Variants in IL23R observed in about 807,000 individuals in gnomAD.
IL23R encodes interleukin 23 receptor, also known as interleukin-23 receptor.
Under a neutral mutation model 56.9 loss-of-function variants are expected in IL23R, and 34 were observed. The ratio of observed to expected loss-of-function variants is 0.60; its 90% CI spans 0.45 to 0.80. The LOEUF is 0.80. IL23R is among the 30% of genes least tolerant of loss of function. The probability of loss-of-function intolerance (pLI) is 0.00; values close to 1 mark genes in which losing one functional copy is unlikely to be tolerated. For synonymous variants in IL23R, 230 were observed against 249.2 expected, an observed-to-expected ratio of 0.92 and a Z score of 0.73; for missense variants, 635 against 730.0, an observed-to-expected ratio of 0.87 and a Z score of 1.50.
chr1:67,238,554 T>A (rs1341155100), intron 8 of IL23R, among the ~76,000 whole-genome samples: 1 of 152,132 alleles, frequency 6.6e-6, no homozygotes, highest in Non-Finnish European at 1.5e-5. Flanking sequence ...ATAAGTATTA[T>A]TATCTCTATT....
At chr1:67,145,907 G>T (rs1384923208) in intron 1 of IL23R, among the ~76,000 whole-genome samples, 1 of 152,172 alleles carries the variant, frequency 6.6e-6, no homozygotes, top group Non-Finnish European at 1.5e-5. Context: ...ATATTTTGTA[G>T]TTTCTAAGGT....
intron 3 of IL23R, among the ~76,000 whole-genome samples, chr1:67,179,690 A>T (rs1647063052): frequency 6.6e-6 from 1 of 152,002 alleles, no homozygotes; most frequent in African/African-American, 2.4e-5. Flanking sequence ...TTGCTTCTCC[A>T]GTTCTTTTAA....
At chr1:67,195,805 A>G (rs1421166663) in intron 4 of IL23R, among the ~76,000 whole-genome samples, 1 of 152,230 alleles carries the variant, frequency 6.6e-6, no homozygotes, top group East Asian at 1.9e-4. Context: ...TATAAATTAT[A>G]TAAAATATAG....
intron 10 of IL23R, 56 bp downstream of exon 10, chr1:67,255,983 C>G (rs1652925721): frequency 1.1e-6 from 1 of 924,310 alleles, no homozygotes; most frequent in African/African-American, 1.6e-5. Context: ...AGAGTGCAGT[C>G]TAATAATTAG....
At chr1:67,141,537 C>T (rs573178252) in intron 1 of IL23R, among the ~76,000 whole-genome samples, 1 of 152,174 alleles carries the variant, frequency 6.6e-6, no homozygotes, top group South Asian at 2.1e-4. Flanking sequence ...GTGGGAGGAT[C>T]ATTTGAGGCC....
chr1:67,241,528 G>A (rs78814665), intron 9 of IL23R, among the ~76,000 whole-genome samples: 6,944 of 152,188 alleles, frequency 0.046, 540 homozygotes, highest in African/African-American at 0.16. Flanking sequence ...TCTCACTTAG[G>A]TGACAGTGTG....
chr1:67,207,066 C>A lies in IL23R; in HGVS notation c.798+11C>A. On this transcript the variant is annotated intron_variant, in intron 6 of 10. Coordinates refer to ENST00000347310, the MANE Select transcript of IL23R (RefSeq NM_144701.3). ...AACCAAACTTGGAATGTAAGCTCAA[C>A]TTTCATTATGCTTTAGCATGTGAAT... The A allele has an allele frequency of 6.2e-7, 1 of 1,613,662 alleles. No individual in the cohort carries two copies. The highest frequency in any genetic ancestry group is 8.5e-7 in the Non-Finnish European group (1 of 1,179,666).
At chr1:67,180,379 T>C (rs1483927248) in intron 3 of IL23R, among the ~76,000 whole-genome samples, 1 of 152,140 alleles carries the variant, frequency 6.6e-6, no homozygotes, top group Non-Finnish European at 1.5e-5. Context: ...TGTAATGGCC[T>C]TTTTTGTCTC....
intron 3 of IL23R, among the ~76,000 whole-genome samples, chr1:67,177,316 G>T (rs1035179757): frequency 1.8e-4 from 27 of 152,278 alleles, no homozygotes; most frequent in African/African-American, 6.5e-4. Context: ...CATTCTACCT[G>T]GTGTGAGATG....
intron 1 of IL23R, among the ~76,000 whole-genome samples, chr1:67,156,350 C>T (rs758153969): frequency 1.3e-5 from 2 of 152,274 alleles, no homozygotes; most frequent in East Asian, 1.9e-4. Flanking sequence ...TGTCAGGATC[C>T]GCCACTCTCT....
At chr1:67,219,899 T>A (rs1007619087) in intron 7 of IL23R, among the ~76,000 whole-genome samples, 169 bp downstream of exon 7, 23 of 152,056 alleles carry the variant, frequency 1.5e-4, no homozygotes, top group Non-Finnish European at 8.8e-5. Flanking sequence ...GACCCTAGTC[T>A]GTACAGAAAA....
chr1:67,199,860 A>G (rs7556198), intron 4 of IL23R, among the ~76,000 whole-genome samples: 63,556 of 151,820 alleles, frequency 0.42, 13,641 homozygotes, highest in African/African-American at 0.49. Context: ...AAGGTTGCAT[A>G]TTTGAAAGCA....
intron 5 of IL23R, among the ~76,000 whole-genome samples, chr1:67,205,200 T>A (rs1648917248): frequency 1.3e-5 from 2 of 152,232 alleles, no homozygotes. Flanking sequence ...CTGCTACTTC[T>A]ACGCCAGGTG....
chr1:67,161,624 T>C (rs1211213882), upstream of IL23R, among the ~76,000 whole-genome samples: 1 of 150,784 alleles, frequency 6.6e-6, no homozygotes, highest in African/African-American at 2.4e-5. Context: ...TATATATATA[T>C]TTGTTTTTGT....
intron 4 of IL23R, among the ~76,000 whole-genome samples, chr1:67,186,377 C>A (rs1212576249): frequency 6.6e-6 from 1 of 152,156 alleles, no homozygotes; most frequent in African/African-American, 2.4e-5. Flanking sequence ...CCATACAATT[C>A]ACCTTATTTA....
chr1:67,156,779 C>G (rs1033455809), intron 1 of IL23R, among the ~76,000 whole-genome samples: 2 of 152,334 alleles, frequency 1.3e-5, no homozygotes, highest in Non-Finnish European at 1.5e-5. Context: ...AGCGAGACCA[C>G]TTGGCTCCCT....
intron 1 of IL23R, among the ~76,000 whole-genome samples, chr1:67,156,138 G>T (rs1184603018): frequency 3.3e-5 from 5 of 152,190 alleles, no homozygotes; most frequent in Non-Finnish European, 1.5e-5. Flanking sequence ...GAACAGCAAA[G>T]ATTGCTCCCT....
chr1:67,256,986 G>A (rs1443690324), intron 10 of IL23R, among the ~76,000 whole-genome samples: 3 of 152,144 alleles, frequency 2.0e-5, no homozygotes, highest in Non-Finnish European at 4.4e-5. Flanking sequence ...CTTTACTCCA[G>A]CCACTCCTCA....
At chr1:67,245,973 T>C (rs1443278382) in intron 9 of IL23R, among the ~76,000 whole-genome samples, 9 of 152,216 alleles carry the variant, frequency 5.9e-5, no homozygotes, top group Admixed American at 5.9e-4. Flanking sequence ...TATTAATTAC[T>C]GCCTCAATTT....
Sources: allele counts gnomAD v4.1 joint callset (sites outside exome capture counted in the v4.1 genomes callset), GRCh38; gene constraint gnomAD v4.1.1; transcripts MANE v1.5; gene names NCBI Gene and HGNC (gene_info 2026-07-23, HGNC 2026-07-21).